ANKRD44: variants seen among roughly 807,000 people sequenced by gnomAD.
The protein encoded by ANKRD44 is ankyrin repeat domain 44.
In ANKRD44, 35 loss-of-function variants were observed where a neutral mutation model predicts 116.0. That is an observed-to-expected ratio of 0.30 (90% CI 0.23 to 0.40). The LOEUF (loss-of-function observed/expected upper bound fraction) is 0.40, where lower values mean the gene tolerates loss of function less well. ANKRD44 is among the 10% of genes least tolerant of loss of function. The pLI is 1.00. For synonymous variants in ANKRD44, 435 were observed against 461.8 expected, an observed-to-expected ratio of 0.94 and a Z score of 0.74; for missense variants, 1,014 against 1,242.6, an observed-to-expected ratio of 0.82 and a Z score of 2.77.
rs375593912 is a variant in ANKRD44 at position 196,999,040 on chromosome 2, A to C, written c.2532T>G (p.His844Gln). 10 of 1,613,798 alleles carry C rather than the reference A, an allele frequency of 6.2e-6. No individual in the cohort carries two copies. Among genetic ancestry groups the C allele is most frequent in the African/African-American group, 1.3e-5 (1 of 74,950 alleles). ...CCACATGATCAGCAAATGCTGCCGC[A>C]TGAAGGGGTGTCCTAAAGATTTAAA... is the stretch of plus-strand genomic sequence containing the variant. Reference protein sequence around the residue: ...CRDDKGRTPLHAAAFADHVEC... With the variant: ...CRDDKGRTPLQAAAFADHVEC... Residue 844 changes from histidine to glutamine, a missense_variant, in exon 24 of 28, where the codon CAT becomes CAG. Physicochemically the swap from His to Gln is conservative, Grantham distance 24. Transcript: ENST00000282272.
chr2:197,016,135 AG>A (rs1225663436), intron 17 of ANKRD44: 12 of 326,678 alleles, frequency 3.7e-5, no homozygotes, highest in South Asian at 2.3e-4. Flanking sequence ...AATCTGCCAC[AG>A]GAATGATCAT....
At chr2:197,260,644 T>C (rs1398630431) in intron 1 of ANKRD44, among the ~76,000 whole-genome samples, 3 of 152,078 alleles carry the variant, frequency 2.0e-5, no homozygotes, top group Non-Finnish European at 4.4e-5. Flanking sequence ...TCTAGATCCC[T>C]GAGGAATCTC....
chr2:197,021,737 G>A (rs1389748324), intron 17 of ANKRD44, among the ~76,000 whole-genome samples: 1 of 152,194 alleles, frequency 6.6e-6, no homozygotes, highest in Admixed American at 6.5e-5. Flanking sequence ...GCTGCACAAT[G>A]AGAAAAATTT....
chr2:197,121,962 G>T (rs1255636312), intron 7 of ANKRD44, among the ~76,000 whole-genome samples: 1 of 152,104 alleles, frequency 6.6e-6, no homozygotes, highest in Non-Finnish European at 1.5e-5. Context: ...AGATGGCAGG[G>T]GAGGTGGCTG....
At chr2:197,278,130 G>GT (rs2083146477) in intron 1 of ANKRD44, among the ~76,000 whole-genome samples, 1 of 152,098 alleles carries the variant, frequency 6.6e-6, no homozygotes, top group Non-Finnish European at 1.5e-5. Flanking sequence ...AATCAGGACA[G>GT]TATCAGTGGG....
chr2:197,023,096 T>C (rs192694484), intron 17 of ANKRD44, among the ~76,000 whole-genome samples: 3 of 152,324 alleles, frequency 2.0e-5, no homozygotes, highest in Non-Finnish European at 2.9e-5. Flanking sequence ...TTAATAATGA[T>C]GTTATATGAT....
chr2:197,185,752 A>G (rs16863002), intron 2 of ANKRD44, among the ~76,000 whole-genome samples: 43,807 of 152,060 alleles, frequency 0.29, 7,080 homozygotes, highest in African/African-American at 0.43. Flanking sequence ...AGTTTGATTC[A>G]TTTCACACAA....
chr2:197,233,604 G>A (rs573162417), intron 1 of ANKRD44, among the ~76,000 whole-genome samples: 6 of 152,262 alleles, frequency 3.9e-5, no homozygotes, highest in Non-Finnish European at 8.8e-5. Flanking sequence ...CTGGGCTCAA[G>A]CAATACTTCC....
chr2:197,262,623 G>A (rs1176597533), intron 1 of ANKRD44, among the ~76,000 whole-genome samples: 2 of 152,192 alleles, frequency 1.3e-5, no homozygotes, highest in African/African-American at 2.4e-5. Flanking sequence ...AGATTGACAG[G>A]TCAGGCATGG....
chr2:197,179,921 G>A (rs1188699014), intron 2 of ANKRD44, among the ~76,000 whole-genome samples: 2 of 152,156 alleles, frequency 1.3e-5, no homozygotes, highest in African/African-American at 4.8e-5. Flanking sequence ...CCTGGGCAGG[G>A]GTCCAACAAG....
chr2:197,135,471 C>G (rs2079194348), intron 4 of ANKRD44: 1 of 152,438 alleles, frequency 6.6e-6, no homozygotes, highest in South Asian at 2.1e-4. Flanking sequence ...TCTTCTCATC[C>G]TTTATACTTC....
At chr2:197,038,546 G>T (rs186166460) in intron 16 of ANKRD44, among the ~76,000 whole-genome samples, 15 of 152,200 alleles carry the variant, frequency 9.9e-5, no homozygotes, top group Admixed American at 9.8e-4. Flanking sequence ...TACATTTCAG[G>T]GGTCATAAGG....
rs901120952 is a variant in ANKRD44 at position 197,051,372 on chromosome 2, A to G, written c.1651-26105T>C. The stretch of plus-strand genomic sequence containing the variant: ...GTCACTAGGAGGTACCAGCTTGGTT[A>G]AATCAGAATACATCTTCATTTACTC... On this transcript the variant is annotated intron_variant, in intron 16 of 27. Transcript: ENST00000282272. 7.2e-5 allele frequency among the ~76,000 whole-genome samples: 11 copies of G among 152,070 alleles called. No individual in the cohort carries two copies. The East Asian group carries it at 2.1e-3, about 29-fold the overall frequency.
intron 1 of ANKRD44, among the ~76,000 whole-genome samples, chr2:197,259,369 A>C (rs2082537180): frequency 6.6e-6 from 1 of 152,182 alleles, no homozygotes; most frequent in Non-Finnish European, 1.5e-5. Flanking sequence ...CCTTAAGAAT[A>C]ACTTTGTAAA....
At position 197,033,461 on chromosome 2, in the gene ANKRD44, C is replaced by T. The variant is rs114842072; in HGVS notation, c.1651-8194G>A. ...CTTACATGAATCATCTCAATAAATCCTTGAGTAATCCATTAAGTAACTTGC... is the reference window on the plus strand; with the variant it reads ...CTTACATGAATCATCTCAATAAATCTTTGAGTAATCCATTAAGTAACTTGC... On this transcript the variant is annotated intron_variant, in intron 16 of 27. Transcript: ENST00000282272. Among the ~76,000 whole-genome samples the T allele has an allele frequency of 7.3e-3, 1,105 of 152,252 alleles. 13 individuals carry two copies. The highest frequency in any genetic ancestry group is 0.025 in the African/African-American group (1,038 of 41,526).
intron 16 of ANKRD44, among the ~76,000 whole-genome samples, chr2:197,027,392 G>T (rs1286627826): frequency 6.6e-6 from 1 of 152,220 alleles, no homozygotes; most frequent in Non-Finnish European, 1.5e-5. Flanking sequence ...CCAGGAAGTT[G>T]CTGGATACAT....
chr2:197,011,690 C>G (rs1204167328), intron 18 of ANKRD44, among the ~76,000 whole-genome samples: 1 of 152,124 alleles, frequency 6.6e-6, no homozygotes, highest in Non-Finnish European at 1.5e-5. Flanking sequence ...CCAGGCTGGT[C>G]TCGAACTCCT....
intron 18 of ANKRD44, among the ~76,000 whole-genome samples, chr2:197,012,426 C>T (rs569472583): frequency 5.9e-5 from 9 of 151,736 alleles, no homozygotes; most frequent in African/African-American, 1.9e-4. Flanking sequence ...AAAAGGAGGA[C>T]AAAATTTGAA....
At chr2:197,221,918 C>G (rs760893149) in intron 1 of ANKRD44, among the ~76,000 whole-genome samples, 2 of 152,180 alleles carry the variant, frequency 1.3e-5, no homozygotes, top group East Asian at 1.9e-4. Context: ...GCTCTTCCCC[C>G]TCTTGGGTCA....
Sources: allele counts gnomAD v4.1 joint callset (sites outside exome capture counted in the v4.1 genomes callset), GRCh38; gene constraint gnomAD v4.1.1; transcripts MANE v1.5; gene names NCBI Gene and HGNC (gene_info 2026-07-23, HGNC 2026-07-21).